Variants in FMNL2 observed in about 807,000 individuals in gnomAD.
The protein encoded by FMNL2 is formin-like protein 2.
In FMNL2, 51 loss-of-function variants were observed where a neutral mutation model predicts 130.2. The ratio of observed to expected loss-of-function variants is 0.39; its 90% confidence interval spans 0.31 to 0.49. FMNL2 has a LOEUF of 0.49. Ranked by LOEUF, FMNL2 falls within the 20% of genes least tolerant of loss-of-function variation. The pLI, the probability that FMNL2 is intolerant of heterozygous loss-of-function variation, is 0.85. For missense variants in FMNL2, 977 were observed against 1,316.2 expected (o/e 0.74, Z 3.99); for synonymous variants, 465 against 467.1 (o/e 1.00, Z 0.06).
At chr2:152,461,905 T>C (rs1168493144) in intron 1 of FMNL2, among the ~76,000 whole-genome samples, 1 of 152,044 alleles carries the variant, frequency 6.6e-6, no homozygotes, top group African/African-American at 2.4e-5. Context: ...TTTTTCTTTT[T>C]AATTTTTTTG....
intron 1 of FMNL2, among the ~76,000 whole-genome samples, chr2:152,412,523 A>C (rs1387646014): frequency 7.1e-6 from 1 of 141,432 alleles, no homozygotes; most frequent in African/African-American, 2.7e-5. Context: ...AAATTGAAAC[A>C]GGGCCAGGTA....
chr2:152,498,429 T>TA (rs1691634690), intron 1 of FMNL2, among the ~76,000 whole-genome samples: 1 of 152,178 alleles, frequency 6.6e-6, no homozygotes, highest in African/African-American at 2.4e-5. Flanking sequence ...ACCATTTTTT[T>TA]TAAAAAAATG....
chr2:152,552,493 T>A lies in FMNL2; in HGVS notation c.359+3396T>A, dbSNP rs571496778. 2.6e-5 allele frequency among the ~76,000 whole-genome samples: 4 copies of A among 152,322 alleles called. No homozygotes were observed. In the South Asian group the frequency reaches 8.3e-4, roughly 32 times the overall value. On this transcript the variant is annotated intron_variant, in intron 4 of 25. Transcript: ENST00000288670. The stretch of plus-strand genomic sequence containing the variant: ...TTTTCAACGTTAAAGACTTGAGCTT[T>A]CCCAAGATAACATTCTGAGCTGCAG...
intron 15 of FMNL2, among the ~76,000 whole-genome samples, chr2:152,622,113 T>C (rs2105904887): frequency 6.6e-6 from 1 of 152,328 alleles, no homozygotes; most frequent in East Asian, 1.9e-4. Flanking sequence ...TAGAACAACC[T>C]GGCTCCCTTT....
rs1491371455 is a variant in FMNL2, at chr2:152,607,507, A to ACACACACACG, written c.951+94_951+95insCACACACACG. On this transcript the variant is annotated intron_variant, in intron 10 of 25. Coordinates refer to ENST00000288670, the MANE Select transcript of FMNL2 (RefSeq NM_052905.4). ...CACACACACACACACACACACACAC[A>ACACACACACG]TATTTATATTACAAAGGACAGGGAA... 1.1e-5 allele frequency: 9 copies of ACACACACACG among 799,472 alleles called. No homozygotes were observed. The African/African-American group carries it at 1.7e-4, about 15-fold the overall frequency. The allele number at this position is 799,472 out of a possible 1,614,324, so 49.5% of individuals were successfully genotyped here.
intron 2 of FMNL2, among the ~76,000 whole-genome samples, chr2:152,538,429 G>A (rs891396023): frequency 3.3e-5 from 5 of 151,988 alleles, no homozygotes; most frequent in Admixed American, 1.3e-4. Context: ...ACAGGCACGC[G>A]CCACCACGCC....
intron 1 of FMNL2, among the ~76,000 whole-genome samples, chr2:152,499,378 C>T (rs1325104795): frequency 6.6e-6 from 1 of 152,192 alleles, no homozygotes; most frequent in Middle Eastern, 3.2e-3. Flanking sequence ...CCTCTCTCTG[C>T]AGGCCTCTTG....
At chr2:152,515,446 A>G (rs964482382) in intron 1 of FMNL2, among the ~76,000 whole-genome samples, 2 of 152,216 alleles carry the variant, frequency 1.3e-5, no homozygotes, top group African/African-American at 4.8e-5. Context: ...ATTTTTCAAC[A>G]TCTTAAAATA....
In FMNL2 at chr2:152,647,830, G is replaced by A. The variant is rs763286520; in HGVS notation, c.3204G>A (p.Ala1068=). ...LRNQPYRRAD[A]VRRSVRRRFD... ...ACCAACCATACAGACGAGCCGATGC[G>A]GTGAGGAGAAGCGTCAGGCGGCGCT... Residue 1068 remains alanine (A), a synonymous_variant, in exon 26 of 26, where the codon GCG becomes GCA. Transcript: ENST00000288670. 40 of 1,613,804 alleles carry A rather than the reference G, an allele frequency of 2.5e-5. No individual in the cohort carries two copies. The highest frequency in any genetic ancestry group is 8.9e-5 in the East Asian group (4 of 44,888).
chr2:152,364,267 T>G lies in FMNL2; in HGVS notation c.117+28547T>G, dbSNP rs1197244468. ...TCCGTTAGGAGGTTTGTGTGTTTTT[T>G]TTTTTTTTTTTTTTTTTTTTTTTTT... On this transcript the variant is annotated intron_variant, in intron 1 of 25. Transcript: ENST00000288670. 2.6e-3 allele frequency among the ~76,000 whole-genome samples: 325 copies of G among 123,360 alleles called. 6 individuals are homozygous for G. The highest frequency in any genetic ancestry group is 8.4e-3 in the African/African-American group (248 of 29,414). The allele number at this position is 123,360 out of a possible 152,430, so 80.9% of individuals were successfully genotyped here.
chr2:152,390,125 C>A, intron 1 of FMNL2: 1 of 1,325,132 alleles, frequency 7.5e-7, no homozygotes, highest in Non-Finnish European at 1.1e-6. Flanking sequence ...TGAAGCCCAA[C>A]CTAGGCAACG....
intron 1 of FMNL2, among the ~76,000 whole-genome samples, chr2:152,439,451 T>C (rs1478866691): frequency 6.6e-6 from 1 of 152,160 alleles, no homozygotes; most frequent in Non-Finnish European, 1.5e-5. Flanking sequence ...TTTTAAGTAA[T>C]GGATATATGG....
chr2:152,621,103 G>C, intron 15 of FMNL2: 2 of 985,384 alleles, frequency 2.0e-6, no homozygotes, highest in Non-Finnish European at 2.4e-6. Flanking sequence ...TCAGTAACTG[G>C]GTGTGGAAAC....
rs1268645486 is a variant in FMNL2 at position 152,412,454 on chromosome 2, A to T, written c.117+76734A>T. 3.4e-3 allele frequency among the ~76,000 whole-genome samples: 23 copies of T among 6,734 alleles called. 1 individual carries two copies. The highest frequency in any genetic ancestry group is 0.071 in the Middle Eastern group (1 of 14). The allele number at this position is 6,734 out of a possible 152,430, so 4.4% of individuals were successfully genotyped here. A position where few individuals can be genotyped will look rare whatever the true frequency, so the allele number is the denominator to read the frequency against. Reference sequence around the variant, plus strand: ...ACTTTCTTCTGTATATTTTATATATATATATATATATATATATATATATAT... The same window carrying T: ...ACTTTCTTCTGTATATTTTATATATTTATATATATATATATATATATATAT... On this transcript the variant is annotated intron_variant, in intron 1 of 25. Transcript: ENST00000288670.
At chr2:152,629,121 C>A (rs1413516685) in intron 18 of FMNL2, among the ~76,000 whole-genome samples, 17 of 152,034 alleles carry the variant, frequency 1.1e-4, no homozygotes, top group Non-Finnish European at 2.5e-4. Flanking sequence ...TCTAAATAGA[C>A]TTTGTTACTG....
chr2:152,408,599 A>G (rs918941754), intron 1 of FMNL2, among the ~76,000 whole-genome samples: 4 of 152,134 alleles, frequency 2.6e-5, no homozygotes, highest in Non-Finnish European at 5.9e-5. Context: ...TGCCCTGATA[A>G]ACCCATTGTA....
chr2:152,457,039 T>C (rs767540606), intron 1 of FMNL2, among the ~76,000 whole-genome samples: 3 of 152,188 alleles, frequency 2.0e-5, no homozygotes, highest in Admixed American at 2.0e-4. Context: ...ATTCTGGTTA[T>C]GATAATGTGT....
chr2:152,607,248 TG>T, intron 9 of FMNL2, 90 bp from the exon 10 acceptor site: 1 of 1,034,680 alleles, frequency 9.7e-7, no homozygotes, highest in Non-Finnish European at 1.5e-6. Flanking sequence ...ATAGATATTC[TG>T]GAAATCATTA....
chr2:152,447,649 T>C (rs1289408090), intron 1 of FMNL2, among the ~76,000 whole-genome samples: 3 of 152,298 alleles, frequency 2.0e-5, no homozygotes, highest in African/African-American at 4.8e-5. Context: ...ACCCCATTTC[T>C]ATCTTACATC....
Sources: gnomAD v4.1 joint callset for allele counts (sites outside exome capture counted in the v4.1 genomes callset) on GRCh38, gnomAD v4.1.1 for gene constraint, MANE v1.5 for transcripts, NCBI Gene and HGNC (gene_info 2026-07-23, HGNC 2026-07-21) for gene names.